DPEP1: variants seen among roughly 807,000 people sequenced by gnomAD.
DPEP1 encodes dipeptidase 1, also known as beta-lactamase.
DPEP1 carries 50 observed loss-of-function variants against 42.3 expected under a neutral mutation model. That is an observed-to-expected ratio of 1.18 (90% CI 0.94 to 1.50). The LOEUF (loss-of-function observed/expected upper bound fraction) is 1.50. DPEP1 is among the 40% of genes most tolerant of loss of function. DPEP1 has a pLI of 0.00. For synonymous variants in DPEP1, 297 were observed against 234.0 expected (o/e 1.27, Z -2.46); for missense variants, 663 against 553.0 (o/e 1.20, Z -1.99).
downstream of DPEP1, among the ~76,000 whole-genome samples, chr16:89,639,919 G>A (rs186195052): frequency 1.4e-3 from 166 of 115,968 alleles, 1 homozygote; most frequent in African/African-American, 5.2e-3. Context: ...CAGGTGATCC[G>A]CCCACTCAGC....
At position 89,637,308 on chromosome 16, in the gene DPEP1, C is replaced by G. The variant is rs142237308; in HGVS notation, c.696C>G (p.Ile232Met). 207 of 1,612,680 alleles carry G rather than the reference C, an allele frequency of 1.3e-4. 1 individual carries two copies. The African/African-American group carries it at 2.4e-3, about 18-fold the overall frequency. The change falls in exon 7 of 11, where the codon ATC (isoleucine) becomes ATG (methionine). Residue 232 changes from isoleucine to methionine, a missense_variant. Physicochemically the swap from Ile to Met is conservative, Grantham distance 10 (BLOSUM62 1). Coordinates refer to ENST00000690203, the MANE Select transcript of DPEP1 (RefSeq NM_001389466.1). ...TGCAGCTGTCCAGAGCCCCGGTCAT[C>G]TTCAGCCACTCCTCGGCCTACAGCG... ...ATLQLSRAPVIFSHSSAYSVC... is the reference protein window; with the variant it reads ...ATLQLSRAPVMFSHSSAYSVC...
chr16:89,637,552 G>A lies in DPEP1; in HGVS notation c.853G>A (p.Asp285Asn), dbSNP rs201528419. The A allele has an allele frequency of 2.0e-5, 33 of 1,612,696 alleles. No individual in the cohort carries two copies. Among genetic ancestry groups the A allele is most frequent in the East Asian group, 4.5e-5 (2 of 44,890 alleles). ...CAAGGCCAACCTGTCCCAAGTGGCC[G>A]GTAGGTGGGGTGTGAGCGGCCAAGG... ...TNKANLSQVA[D>N]HLDHIKEVAG... The change falls in exon 8 of 11, where the codon GAC becomes AAC. Residue 285 changes from aspartate to asparagine, a missense_variant and splice_region_variant. By Grantham distance (23) the Asp-to-Asn change is conservative (BLOSUM62 1). Coordinates refer to ENST00000690203, the MANE Select transcript of DPEP1 (RefSeq NM_001389466.1).
chr16:89,641,267 CAG>C (rs2059740991), downstream of DPEP1, among the ~76,000 whole-genome samples: 1 of 152,058 alleles, frequency 6.6e-6, no homozygotes, highest in African/African-American at 2.4e-5. Flanking sequence ...GATGGTGGAG[CAG>C]AGTCTTTTCT....
At chr16:89,613,965 T>A (rs1252492748) in intron 1 of DPEP1, among the ~76,000 whole-genome samples, 1 of 145,432 alleles carries the variant, frequency 6.9e-6, no homozygotes, top group East Asian at 2.0e-4. Flanking sequence ...GGCAGCTTCC[T>A]GGGATTCTAG....
intron 1 of DPEP1, among the ~76,000 whole-genome samples, chr16:89,624,323 C>G (rs992686930): frequency 1.3e-5 from 2 of 152,102 alleles, no homozygotes; most frequent in Admixed American, 1.3e-4. Context: ...CAGGGAACCT[C>G]TCATCACGGC....
downstream of DPEP1, among the ~76,000 whole-genome samples, chr16:89,639,065 C>G (rs1485636682): frequency 2.4e-5 from 2 of 83,984 alleles, no homozygotes; most frequent in Non-Finnish European, 4.7e-5. Flanking sequence ...CCACCGCACC[C>G]CTGCACACAC....
At chr16:89,614,448 C>T (rs2059361563) in intron 1 of DPEP1, among the ~76,000 whole-genome samples, 1 of 152,190 alleles carries the variant, frequency 6.6e-6, no homozygotes, top group Non-Finnish European at 1.5e-5. Context: ...AGAGCAGGGC[C>T]TGTTGTCCGG....
chr16:89,635,950 C>A lies in DPEP1; in HGVS notation c.147C>A (p.Asn49Lys). ...GGCAGCTGCTGGATATGTTCAACAACCGGCTGCAGGACGAGAGGGCCAACC... is the reference window on the plus strand; with the variant it reads ...GGCAGCTGCTGGATATGTTCAACAAACGGCTGCAGGACGAGAGGGCCAACC... ...LPWQLLDMFN[N>K]RLQDERANLT... The change falls in exon 3 of 11, where the codon AAC becomes AAA. Residue 49 changes from asparagine (N) to lysine (K), a missense_variant. Physicochemically the swap from Asn to Lys is moderately conservative, Grantham distance 94. Coordinates refer to ENST00000690203, the MANE Select transcript of DPEP1 (RefSeq NM_001389466.1). 1 of 1,611,846 alleles carries A rather than the reference C, an allele frequency of 6.2e-7. No homozygotes were observed. The highest frequency in any genetic ancestry group is 8.5e-7 in the Non-Finnish European group (1 of 1,179,496).
At position 89,637,478 on chromosome 16, in the gene DPEP1, A is replaced by C. The variant is rs375489456; in HGVS notation, c.779A>C (p.Asp260Ala). The C allele has an allele frequency of 5.6e-6, 9 of 1,612,820 alleles. No homozygotes were observed. In the East Asian group the frequency reaches 8.9e-5, roughly 16 times the overall value. Reference protein sequence around the residue: ...DDVLRLVKQTDSLVMVNFYNN... With the variant: ...DDVLRLVKQTASLVMVNFYNN... ...TTCCTTCTTGTGCAGAAACAGACAG[A>C]CAGCCTGGTGATGGTGAACTTCTAC... Residue 260 changes from aspartate to alanine, a missense_variant, in exon 8 of 11, where the codon GAC (aspartate) becomes GCC (alanine). Coordinates refer to ENST00000690203, the MANE Select transcript of DPEP1 (RefSeq NM_001389466.1).
chr16:89,629,063 G>A (rs1022651497), intron 1 of DPEP1, among the ~76,000 whole-genome samples: 1 of 152,196 alleles, frequency 6.6e-6, no homozygotes, highest in African/African-American at 2.4e-5. Flanking sequence ...CTGACCTCAA[G>A]TGATCCATCC....
chr16:89,636,166 G>T (rs761353380), intron 3 of DPEP1, 98 bp from the exon 4 acceptor site: 1 of 1,550,806 alleles, frequency 6.4e-7, no homozygotes, highest in Non-Finnish European at 8.7e-7. Flanking sequence ...GGCCGAGGGA[G>T]GGCTTCCCAG....
Position 89,636,585 on chromosome 16 carries a change from G to C in DPEP1, c.423G>C (p.Glu141Asp). 6.2e-7 allele frequency: 1 copy of C among 1,612,494 alleles called. No individual in the cohort carries two copies. Among genetic ancestry groups the C allele is most frequent in the Non-Finnish European group, 8.5e-7 (1 of 1,179,860 alleles). ...AGGTGGCCAGCCTGATCGGCGTGGA[G>C]GGCGGCCACTCCATTGACAGCAGTT... Reference protein sequence around the residue: ...EGKVASLIGVEGGHSIDSSLG... With the variant: ...EGKVASLIGVDGGHSIDSSLG... The change falls in exon 5 of 11, where the codon GAG becomes GAC. Residue 141 changes from glutamate to aspartate, a missense_variant. Transcript: ENST00000690203.
intron 2 of DPEP1, among the ~76,000 whole-genome samples, chr16:89,634,923 C>CT (rs765805469): frequency 1.1e-4 from 9 of 85,700 alleles, no homozygotes; most frequent in East Asian, 4.3e-4. Flanking sequence ...CCCCTTCCTT[C>CT]CCTTTCCCTT....
intron 1 of DPEP1, among the ~76,000 whole-genome samples, chr16:89,614,112 G>A (rs2059358243): frequency 1.3e-5 from 2 of 151,986 alleles, no homozygotes. Context: ...GTGTGGGGCA[G>A]GGGACGCGGC....
intron 2 of DPEP1, among the ~76,000 whole-genome samples, chr16:89,633,466 C>T (rs2059615593): frequency 6.6e-6 from 1 of 152,248 alleles, no homozygotes; most frequent in Non-Finnish European, 1.5e-5. Context: ...GAGCCCTCCC[C>T]TTCTTTCCCC....
intron 1 of DPEP1, among the ~76,000 whole-genome samples, chr16:89,616,133 C>G (rs1187204211): frequency 1.4e-5 from 2 of 142,830 alleles, no homozygotes; most frequent in East Asian, 4.0e-4. Flanking sequence ...GGGTGCGCAG[C>G]AGGAGGCTGG....
chr16:89,635,153 CCCCTTCCTTCCCTTT>C (rs1459326882), intron 2 of DPEP1, among the ~76,000 whole-genome samples: 4 of 35,842 alleles, frequency 1.1e-4, no homozygotes, highest in African/African-American at 6.6e-4. Flanking sequence ...CTTCTCCTTT[CCCCTTCCTTCCCTTT>C]CCCTTCCTTC....
intron 1 of DPEP1, among the ~76,000 whole-genome samples, chr16:89,614,153 C>T (rs2059358589): frequency 6.6e-6 from 1 of 152,012 alleles, no homozygotes; most frequent in East Asian, 1.9e-4. Context: ...GGTGGGAGAG[C>T]TGCTCTCAGA....
intron 1 of DPEP1, among the ~76,000 whole-genome samples, chr16:89,622,683 C>G (rs1412725409): frequency 6.6e-6 from 1 of 151,420 alleles, no homozygotes; most frequent in Non-Finnish European, 1.5e-5. Context: ...ACTTGGGAGG[C>G]TGAGGCAGGA....
Sources: allele counts gnomAD v4.1 joint callset (sites outside exome capture counted in the v4.1 genomes callset), GRCh38; gene constraint gnomAD v4.1.1; transcripts MANE v1.5; gene names NCBI Gene and HGNC (gene_info 2026-07-23, HGNC 2026-07-21).